Variants in RBFOX1 observed in about 807,000 individuals in gnomAD.
The protein encoded by RBFOX1 is RNA binding fox-1 homolog 1.
A neutral mutation model predicts 57.7 loss-of-function variants in RBFOX1; 8 were observed. The ratio of observed to expected loss-of-function variants is 0.14; its 90% confidence interval spans 0.08 to 0.25. The LOEUF (loss-of-function observed/expected upper bound fraction) is 0.25, where lower values mean the gene tolerates loss of function less well. Ranked by LOEUF, RBFOX1 falls within the 10% of genes least tolerant of loss-of-function variation. RBFOX1 has a pLI of 1.00. For missense variants in RBFOX1, 611 were observed against 548.5 expected, an observed-to-expected ratio of 1.11 and a Z score of -1.14; for synonymous variants, 326 against 222.4, an observed-to-expected ratio of 1.47 and a Z score of -4.15.
intron 2 of RBFOX1, among the ~76,000 whole-genome samples, chr16:6,645,574 C>A (rs1045794520): frequency 6.6e-6 from 1 of 152,094 alleles, no homozygotes; most frequent in African/African-American, 2.4e-5. Context: ...AAGTCTCTCT[C>A]GGGAGAGAGA....
At chr16:7,449,483 C>T (rs1288205057) in intron 4 of RBFOX1, among the ~76,000 whole-genome samples, 2 of 152,054 alleles carry the variant, frequency 1.3e-5, no homozygotes, top group Admixed American at 1.3e-4. Context: ...CTAACGCGCC[C>T]CTTGCCAACA....
intron 3 of RBFOX1, among the ~76,000 whole-genome samples, chr16:6,999,216 A>ATTTTAT (rs2092561977): frequency 9.2e-6 from 1 of 109,032 alleles, no homozygotes; most frequent in African/African-American, 3.4e-5. Flanking sequence ...ATTTTTATTT[A>ATTTTAT]TTTTTTTTAT....
intron 11 of RBFOX1, among the ~76,000 whole-genome samples, chr16:7,644,811 G>T (rs1330049888): frequency 2.0e-5 from 3 of 152,164 alleles, no homozygotes. Flanking sequence ...ATGGTAACTG[G>T]TAACAGTTGT....
At chr16:7,047,125 C>A (rs528881572) in intron 3 of RBFOX1, among the ~76,000 whole-genome samples, 4 of 149,808 alleles carry the variant, frequency 2.7e-5, no homozygotes, top group Non-Finnish European at 5.9e-5. Context: ...AACATTTACT[C>A]ATATGTTTAC....
chr16:6,914,437 A>G (rs2072563593), intron 3 of RBFOX1, among the ~76,000 whole-genome samples: 1 of 152,162 alleles, frequency 6.6e-6, no homozygotes, highest in African/African-American at 2.4e-5. Flanking sequence ...ACAGTAGTAA[A>G]GGAGGTACTT....
At position 5,289,389 on chromosome 16, in the gene RBFOX1, A is replaced by T. The variant is rs2063480399; in HGVS notation, c.219+49284A>T. On this transcript the variant is annotated intron_variant, in intron 1 of 2. Coordinates refer to the RBFOX1 transcript ENST00000585867. ...TCATTGGCATCATGGGAGGGCCCCC[A>T]TATGGGGTGCTGCCATCATACCGAG... 3.2e-5 allele frequency: 12 copies of T among 377,714 alleles called. No homozygotes were observed. The South Asian group carries it at 4.6e-4, about 14-fold the overall frequency. The allele number at this position is 377,714 out of a possible 1,614,324, so 23.4% of individuals were successfully genotyped here.
intron 1 of RBFOX1, among the ~76,000 whole-genome samples, chr16:6,065,884 G>C (rs1423615740): frequency 1.3e-5 from 2 of 152,166 alleles, no homozygotes; most frequent in Non-Finnish European, 2.9e-5. Context: ...CCGAGGACTA[G>C]GGTTGTCCTC....
chr16:5,886,565 C>T (rs2057904548), intron 4 of RBFOX1, among the ~76,000 whole-genome samples: 1 of 152,180 alleles, frequency 6.6e-6, no homozygotes, highest in Non-Finnish European at 1.5e-5. Context: ...ATACCATTGG[C>T]CCTGAGCTGG....
intron 4 of RBFOX1, among the ~76,000 whole-genome samples, chr16:7,077,292 C>T (rs73538789): frequency 1.3e-5 from 2 of 152,140 alleles, no homozygotes; most frequent in African/African-American, 2.4e-5. Context: ...CAAAGTACAT[C>T]GGTGATGTCC....
At chr16:6,654,712 C>T (rs1316535800) in intron 3 of RBFOX1, 62 bp downstream of exon 3, 6 of 1,337,468 alleles carry the variant, frequency 4.5e-6, no homozygotes, top group African/African-American at 1.5e-5. Context: ...GAATTGAACC[C>T]AGGTGTTTAA....
chr16:6,649,064 C>T (rs1183046293), intron 2 of RBFOX1, among the ~76,000 whole-genome samples: 1 of 152,180 alleles, frequency 6.6e-6, no homozygotes, highest in African/African-American at 2.4e-5. Flanking sequence ...CCTCCTGTCT[C>T]ACTGAAATTT....
chr16:6,218,409 A>T (rs2097350302), intron 1 of RBFOX1, among the ~76,000 whole-genome samples: 1 of 152,102 alleles, frequency 6.6e-6, no homozygotes, highest in Admixed American at 6.5e-5. Flanking sequence ...CCAGGGTTCA[A>T]GTGATTCTTG....
At chr16:6,297,989 T>C (rs977405992) in intron 1 of RBFOX1, among the ~76,000 whole-genome samples, 5 of 152,182 alleles carry the variant, frequency 3.3e-5, no homozygotes, top group Non-Finnish European at 7.4e-5. Flanking sequence ...TCTTTCGGGG[T>C]GCTGGAGAAG....
chr16:6,871,314 T>C (rs2060835756), intron 3 of RBFOX1, among the ~76,000 whole-genome samples: 1 of 152,146 alleles, frequency 6.6e-6, no homozygotes, highest in African/African-American at 2.4e-5. Flanking sequence ...ACTTCCTGAG[T>C]AGCTGGGATT....
chr16:6,720,584 G>A (rs2065787432), intron 3 of RBFOX1, among the ~76,000 whole-genome samples: 1 of 152,184 alleles, frequency 6.6e-6, no homozygotes. Context: ...ATGGTATGAT[G>A]GAGAAACAGA....
chr16:6,566,337 C>A (rs1172136526), intron 2 of RBFOX1, among the ~76,000 whole-genome samples: 1 of 152,178 alleles, frequency 6.6e-6, no homozygotes, highest in Non-Finnish European at 1.5e-5. Context: ...CTGTCAAAAG[C>A]AGTACCTTTA....
At chr16:6,577,851 G>C (rs2097464693) in intron 2 of RBFOX1, among the ~76,000 whole-genome samples, 2 of 152,144 alleles carry the variant, frequency 1.3e-5, no homozygotes, top group African/African-American at 2.4e-5. Context: ...GAAGCAGGAA[G>C]GACTATATGG....
intron 4 of RBFOX1, among the ~76,000 whole-genome samples, chr16:7,122,499 G>A (rs549843266): frequency 9.9e-5 from 15 of 152,084 alleles, no homozygotes; most frequent in Non-Finnish European, 1.3e-4. Context: ...TTCAGCAAGT[G>A]CAAATGAAAA....
At chr16:7,264,068 C>G (rs890784328) in intron 4 of RBFOX1, among the ~76,000 whole-genome samples, 1 of 152,054 alleles carries the variant, frequency 6.6e-6, no homozygotes, top group Non-Finnish European at 1.5e-5. Context: ...AGCATTTTGT[C>G]ATTGTTACCC....
Sources: allele counts gnomAD v4.1 joint callset (sites outside exome capture counted in the v4.1 genomes callset), GRCh38; gene constraint gnomAD v4.1.1; transcripts MANE v1.5; gene names NCBI Gene and HGNC (gene_info 2026-07-23, HGNC 2026-07-21).